CELF2: variants seen among roughly 807,000 people sequenced by gnomAD.
CELF2 encodes CUG triplet repeat RNA-binding protein 2.
In CELF2, 8 loss-of-function variants were observed where a neutral mutation model predicts 62.6. The observed-to-expected ratio is 0.13, with a 90% CI of 0.07 to 0.23. The LOEUF (loss-of-function observed/expected upper bound fraction) is 0.23. Among genes scored for constraint, CELF2 ranks in the 10% least tolerant of loss-of-function variants. CELF2 has a pLI of 1.00. For synonymous variants in CELF2, 258 were observed against 250.0 expected (o/e 1.03, Z -0.30); for missense variants, 333 against 671.0 (o/e 0.50, Z 5.56).
At chr10:10,905,598 G>T (rs1177679378) in intron 1 of CELF2, among the ~76,000 whole-genome samples, 1 of 151,568 alleles carries the variant, frequency 6.6e-6, no homozygotes, top group African/African-American at 2.4e-5. Flanking sequence ...AAAAAAAAGG[G>T]CTGGGCGTGG....
At chr10:10,679,670 A>G in the CELF2 span, among the ~76,000 whole-genome samples, 1 of 152,216 alleles carries the variant, frequency 6.6e-6, no homozygotes. Context: ...ATGAACTCTC[A>G]TATATCCATC....
rs566839756 is a variant in CELF2 at position 11,319,728 on chromosome 10, G to A, written c.1097-1461G>A. The A allele has an allele frequency of 4.3e-6, 2 of 469,296 alleles. No homozygotes were observed. The highest frequency in any genetic ancestry group is 7.0e-5 in the East Asian group (1 of 14,382). The allele number at this position is 469,296 out of a possible 1,614,324, so 29.1% of individuals were successfully genotyped here. A position where few individuals can be genotyped will look rare whatever the true frequency, so the allele number is the denominator to read the frequency against. ...TTGGTGTCTGTTCTGAGAAGCACAG[G>A]AATACCCGAGGTGAGGCACAATGAC... On this transcript the variant is annotated intron_variant, in intron 10 of 12. Transcript: ENST00000633077. This position sits in a 1 kb window ranked among gnomAD's most constrained non-coding sequence, Gnocchi z 4.4.
At chr10:11,079,222 G>T (rs377567559) in intron 1 of CELF2, among the ~76,000 whole-genome samples, 22 of 152,224 alleles carry the variant, frequency 1.4e-4, no homozygotes, top group African/African-American at 4.8e-4. Flanking sequence ...AATTTCATAC[G>T]TTTTTTGTAC....
At chr10:10,532,210 T>A in the CELF2 span, among the ~76,000 whole-genome samples, 2 of 152,260 alleles carry the variant, frequency 1.3e-5, no homozygotes, top group African/African-American at 4.8e-5. Flanking sequence ...CATTTGACGC[T>A]ACTGTAAAAC....
chr10:10,935,770 T>C (rs2066564213), intron 2 of CELF2, among the ~76,000 whole-genome samples: 5 of 152,216 alleles, frequency 3.3e-5, no homozygotes, highest in Admixed American at 1.3e-4. Flanking sequence ...AAATATTTCT[T>C]ATAATTCTTC....
intron 1 of CELF2, among the ~76,000 whole-genome samples, chr10:11,036,994 C>T (rs889376041): frequency 2.6e-5 from 4 of 152,244 alleles, no homozygotes; most frequent in African/African-American, 9.6e-5. Context: ...CTCTTTGGCT[C>T]TCACCTTGTC....
intron 1 of CELF2, among the ~76,000 whole-genome samples, chr10:10,869,817 C>A (rs910040309): frequency 1.3e-5 from 2 of 152,072 alleles, no homozygotes; most frequent in East Asian, 1.9e-4. Context: ...GGCCATGAGT[C>A]ATTACAAAAA....
At chr10:10,955,882 C>T (rs910065463) in intron 2 of CELF2, among the ~76,000 whole-genome samples, 1 of 152,178 alleles carries the variant, frequency 6.6e-6, no homozygotes, top group African/African-American at 2.4e-5. Flanking sequence ...AACGGAAGCT[C>T]CAAGAGGCAA....
chr10:11,222,906 A>G (rs2065310647), intron 3 of CELF2, among the ~76,000 whole-genome samples: 2 of 152,232 alleles, frequency 1.3e-5, no homozygotes, highest in Non-Finnish European at 2.9e-5. Context: ...ACAGATCTAT[A>G]TATGTGTATG....
intron 7 of CELF2, among the ~76,000 whole-genome samples, chr10:11,274,814 A>G (rs1238202332): frequency 6.7e-6 from 1 of 149,116 alleles, no homozygotes; most frequent in African/African-American, 2.5e-5. Flanking sequence ...GTTGTTAAAA[A>G]GAGTAAATTG....
At chr10:10,528,156 G>T in the CELF2 span, among the ~76,000 whole-genome samples, 2 of 109,880 alleles carry the variant, frequency 1.8e-5, no homozygotes, top group African/African-American at 2.8e-5. Context: ...ATAGATTCCT[G>T]TTTTGTGTGT....
chr10:10,829,555 A>G (rs1356697867), intron 1 of CELF2, among the ~76,000 whole-genome samples: 4 of 152,226 alleles, frequency 2.6e-5, no homozygotes, highest in African/African-American at 9.6e-5. Flanking sequence ...AATTTTATGG[A>G]ATTTGGACTT....
intron 1 of CELF2, among the ~76,000 whole-genome samples, chr10:11,043,706 G>T (rs189905795): frequency 6.6e-6 from 1 of 152,096 alleles, no homozygotes; most frequent in Non-Finnish European, 1.5e-5. Flanking sequence ...TGGGTTCCGC[G>T]TTCCACCTGC....
At chr10:10,481,324 A>G in the CELF2 span, among the ~76,000 whole-genome samples, 1 of 152,176 alleles carries the variant, frequency 6.6e-6, no homozygotes, top group African/African-American at 2.4e-5. Flanking sequence ...TTTGTTCCAT[A>G]ACACAGGGAA....
rs1367459261 is a variant in CELF2, at chr10:11,269,411, A to T, written c.619-1255A>T. On this transcript the variant is annotated intron_variant, in intron 6 of 12. Transcript: ENST00000633077. The surrounding 1 kb of genome is among the most constrained non-coding windows in gnomAD (Gnocchi z 4.4). ...GCATCCCCAGTAACTACCCAAGGTG[A>T]TAAGGAAAAAAATGCGTTTGTTTTC... Among the ~76,000 whole-genome samples the T allele has an allele frequency of 6.6e-6, 1 of 152,188 alleles. No homozygotes were observed. Among genetic ancestry groups the T allele is most frequent in the African/African-American group, 2.4e-5 (1 of 41,448 alleles).
At chr10:10,508,248 G>A in the CELF2 span, among the ~76,000 whole-genome samples, 2 of 152,056 alleles carry the variant, frequency 1.3e-5, no homozygotes, top group Admixed American at 6.5e-5. Flanking sequence ...AGCCTTCACG[G>A]TAGTACCATG....
chr10:11,013,084 T>C (rs2056727506), upstream of CELF2, among the ~76,000 whole-genome samples: 1 of 152,126 alleles, frequency 6.6e-6, no homozygotes, highest in African/African-American at 2.4e-5. This position sits in a 1 kb window ranked among gnomAD's most constrained non-coding sequence, Gnocchi z 4.1. Context: ...AGACAGCTGT[T>C]CCTAGTTCAG....
chr10:10,913,776 C>A (rs2064038795), intron 1 of CELF2, among the ~76,000 whole-genome samples: 1 of 147,582 alleles, frequency 6.8e-6, no homozygotes, highest in African/African-American at 2.5e-5. Flanking sequence ...TTGCCTCAAG[C>A]TAGTTGACAA....
the CELF2 span, among the ~76,000 whole-genome samples, chr10:10,565,914 G>T: frequency 3.3e-5 from 5 of 152,148 alleles, no homozygotes; most frequent in Admixed American, 1.3e-4. Context: ...GGCAGTGGAG[G>T]TTGCCGTACT....
Sources: gnomAD v4.1 joint callset for allele counts (sites outside exome capture counted in the v4.1 genomes callset) on GRCh38, gnomAD v4.1.1 for gene constraint, Gnocchi (gnomAD v3.1) non-coding constraint, MANE v1.5 for transcripts, NCBI Gene and HGNC (gene_info 2026-07-23, HGNC 2026-07-21) for gene names.